Variants in ASPH observed in about 807,000 individuals in gnomAD.
ASPH encodes aspartyl/asparaginyl beta-hydroxylase.
In ASPH, 100 loss-of-function variants were observed where a neutral mutation model predicts 118.4. That is an observed-to-expected ratio of 0.84 (90% CI 0.72 to 1.00). The LOEUF is 1.00. Among genes scored for constraint, ASPH ranks in the 50% least tolerant of loss-of-function variants. The probability of loss-of-function intolerance (pLI) is 0.00; values close to 1 mark genes in which losing one functional copy is unlikely to be tolerated. For missense variants in ASPH, 920 were observed against 919.5 expected (o/e 1.00, Z -0.01); for synonymous variants, 315 against 325.6 (o/e 0.97, Z 0.35).
chr8:61,604,011 T>C (rs988262081), intron 14 of ASPH, among the ~76,000 whole-genome samples: 7 of 152,234 alleles, frequency 4.6e-5, no homozygotes, highest in African/African-American at 1.4e-4. Flanking sequence ...GTGAAAAATC[T>C]TGTGGAATTC....
At chr8:61,690,975 AATT>A (rs1589240612) in intron 1 of ASPH, among the ~76,000 whole-genome samples, 1 of 152,118 alleles carries the variant, frequency 6.6e-6, no homozygotes, top group African/African-American at 2.4e-5. Flanking sequence ...TACAATATTA[AATT>A]ATTAGCAATA....
rs1035676668 is a variant in ASPH, at chr8:61,681,665, C to T, written c.254-629G>A. On this transcript the variant is annotated intron_variant, in intron 2 of 24. Transcript: ENST00000379454. Reference sequence around the variant, plus strand: ...AGGCTTCGGAAATTATAAAGGAAAACTTATGATTATTCTACTTAACTTAAT... The same window carrying T: ...AGGCTTCGGAAATTATAAAGGAAAATTTATGATTATTCTACTTAACTTAAT... Among the ~76,000 whole-genome samples, 19 of 151,648 alleles carry T rather than the reference C, an allele frequency of 1.3e-4. 1 individual carries two copies. Among genetic ancestry groups the T allele is most frequent in the Admixed American group, 1.1e-3 (17 of 15,218 alleles).
intron 14 of ASPH, among the ~76,000 whole-genome samples, chr8:61,611,267 A>T (rs1847266726): frequency 6.6e-6 from 1 of 152,248 alleles, no homozygotes; most frequent in Non-Finnish European, 1.5e-5. Context: ...ATATGGACAC[A>T]GCTTCTTGTA....
intron 1 of ASPH, among the ~76,000 whole-genome samples, chr8:61,701,910 G>C (rs6995763): frequency 6.6e-6 from 1 of 152,092 alleles, no homozygotes. Flanking sequence ...ATTCTTAGTA[G>C]CTGAAATAGT....
At chr8:61,646,625 A>C (rs1308886387) in intron 6 of ASPH, 125 bp downstream of exon 6, 11 of 1,159,324 alleles carry the variant, frequency 9.5e-6, no homozygotes, top group Non-Finnish European at 1.3e-5. Context: ...TGAAGCTTTA[A>C]GCTTCAACTT....
intron 3 of ASPH, chr8:61,661,850 C>A: frequency 2.4e-6 from 1 of 413,184 alleles, no homozygotes; most frequent in Non-Finnish European, 4.3e-6. Context: ...AGTGTTCATG[C>A]TGATTGATTT....
chr8:61,629,016 G>T (rs1405246814), intron 13 of ASPH, among the ~76,000 whole-genome samples: 1 of 152,138 alleles, frequency 6.6e-6, no homozygotes, highest in Non-Finnish European at 1.5e-5. Context: ...TCTGGTTATA[G>T]GCCTTATTGA....
At chr8:61,644,453 A>G (rs1213311181) in intron 7 of ASPH, 147 bp downstream of exon 7, 6 of 597,534 alleles carry the variant, frequency 1.0e-5, no homozygotes, top group Non-Finnish European at 1.3e-5. Flanking sequence ...GAAATACCAT[A>G]AATATAAGAC....
At chr8:61,577,584 A>AG (rs1835773745) in intron 15 of ASPH, among the ~76,000 whole-genome samples, 1 of 152,186 alleles carries the variant, frequency 6.6e-6, no homozygotes, top group South Asian at 2.1e-4. Context: ...TAAAGGAAAG[A>AG]GGTTTAACTG....
chr8:61,696,934 C>T (rs1834041333), intron 1 of ASPH, among the ~76,000 whole-genome samples: 1 of 152,192 alleles, frequency 6.6e-6, no homozygotes, highest in Admixed American at 6.5e-5. Context: ...GACACACTGC[C>T]AATATGGACA....
intron 21 of ASPH, among the ~76,000 whole-genome samples, chr8:61,536,499 G>A (rs1819664113): frequency 1.3e-5 from 2 of 152,164 alleles, no homozygotes; most frequent in Non-Finnish European, 2.9e-5. Flanking sequence ...TTTATAATAG[G>A]AAGAGAAGGC....
Position 61,556,027 on chromosome 8 carries a change from A to C in ASPH, c.1438-5T>G, listed in dbSNP as rs1178623810. 5 of 1,611,880 alleles carry C rather than the reference A, an allele frequency of 3.1e-6. No homozygotes were observed. The highest frequency in any genetic ancestry group is 2.2e-5 in the South Asian group (2 of 90,862). ...ATTAGGTGTCACACTCAGCACCTAAACTCAAAGAAAACACAGAACATAACT... is the reference window on the plus strand; with the variant it reads ...ATTAGGTGTCACACTCAGCACCTAACCTCAAAGAAAACACAGAACATAACT... On this transcript the variant is annotated splice_polypyrimidine_tract_variant and splice_region_variant and intron_variant, in intron 18 of 24. Coordinates refer to ENST00000379454, the MANE Select transcript of ASPH (RefSeq NM_004318.4).
At chr8:61,511,765 G>A (rs569673652) in intron 24 of ASPH, among the ~76,000 whole-genome samples, 16 of 152,178 alleles carry the variant, frequency 1.1e-4, no homozygotes, top group African/African-American at 2.2e-4. Flanking sequence ...CACCATGCCC[G>A]GCTAATTTTT....
At chr8:61,614,785 T>C (rs1266440292) in intron 14 of ASPH, among the ~76,000 whole-genome samples, 3 of 152,146 alleles carry the variant, frequency 2.0e-5, no homozygotes, top group Non-Finnish European at 4.4e-5. Flanking sequence ...CCACTGTGCC[T>C]GGCCATAGAT....
At chr8:61,645,802 T>G (rs1807634597) in intron 6 of ASPH, among the ~76,000 whole-genome samples, 3 of 152,226 alleles carry the variant, frequency 2.0e-5, no homozygotes, top group Admixed American at 2.0e-4. Flanking sequence ...ACTCATAAAG[T>G]AGGAGCTACC....
intron 1 of ASPH, among the ~76,000 whole-genome samples, chr8:61,693,470 C>T (rs185720449): frequency 2.6e-5 from 4 of 152,256 alleles, no homozygotes; most frequent in East Asian, 3.9e-4. Flanking sequence ...ATCTACACAT[C>T]GTACCCAAAG....
chr8:61,635,899 A>G (rs1857513179), intron 12 of ASPH, among the ~76,000 whole-genome samples: 1 of 152,154 alleles, frequency 6.6e-6, no homozygotes, highest in Non-Finnish European at 1.5e-5. Flanking sequence ...CAATCTAGTG[A>G]AAGTAATTCA....
intron 3 of ASPH, chr8:61,676,086 G>A: frequency 1.3e-6 from 2 of 1,599,356 alleles, no homozygotes; most frequent in Non-Finnish European, 1.7e-6. Context: ...TACTGGTTAT[G>A]TAAATCCAAT....
chr8:61,556,132 G>T, intron 18 of ASPH, 110 bp from the exon 19 acceptor site: 1 of 874,410 alleles, frequency 1.1e-6, no homozygotes, highest in Non-Finnish European at 1.8e-6. Flanking sequence ...GTTGTACTTG[G>T]ATTGGATTAT....
Sources: allele counts gnomAD v4.1 joint callset (sites outside exome capture counted in the v4.1 genomes callset), GRCh38; gene constraint gnomAD v4.1.1; transcripts MANE v1.5; gene names NCBI Gene and HGNC (gene_info 2026-07-23, HGNC 2026-07-21).